Variants in GNAQ observed in about 807,000 individuals in gnomAD.
The protein encoded by GNAQ is G protein subunit alpha q, also known as guanine nucleotide-binding protein G(q) subunit alpha.
GNAQ carries 8 observed loss-of-function variants against 43.9 expected under a neutral mutation model. The observed-to-expected ratio is 0.18, with a 90% confidence interval of 0.11 to 0.33. The LOEUF (loss-of-function observed/expected upper bound fraction) is 0.33. GNAQ is among the 10% of genes least tolerant of loss of function. The pLI, the probability that GNAQ is intolerant of heterozygous loss-of-function variation, is 1.00. For synonymous variants in GNAQ, 155 were observed against 170.7 expected, an observed-to-expected ratio of 0.91 and a Z score of 0.71; for missense variants, 158 against 450.8, an observed-to-expected ratio of 0.35 and a Z score of 5.88.
intron 2 of GNAQ, among the ~76,000 whole-genome samples, chr9:77,835,135 G>C (rs928711770): frequency 2.0e-5 from 3 of 151,866 alleles, no homozygotes; most frequent in African/African-American, 7.3e-5. Context: ...GGGTGAGGTG[G>C]GATAGGGCAA....
intron 2 of GNAQ, among the ~76,000 whole-genome samples, chr9:77,907,115 T>TA (rs1828722235): frequency 6.6e-6 from 1 of 152,222 alleles, no homozygotes; most frequent in Non-Finnish European, 1.5e-5. Flanking sequence ...TGTACAGCTA[T>TA]GTTCACATAC....
At chr9:77,885,408 G>T (rs1005715382) in intron 2 of GNAQ, among the ~76,000 whole-genome samples, 2 of 152,292 alleles carry the variant, frequency 1.3e-5, no homozygotes, top group African/African-American at 2.4e-5. Context: ...AGGTTTTAAT[G>T]AACTATTTTC....
chr9:77,807,709 A>G (rs1826849946), intron 3 of GNAQ, among the ~76,000 whole-genome samples: 1 of 152,200 alleles, frequency 6.6e-6, no homozygotes, highest in Non-Finnish European at 1.5e-5. Context: ...TCAGAGTCTT[A>G]AACTAGGTTT....
intron 2 of GNAQ, among the ~76,000 whole-genome samples, chr9:77,829,371 C>T (rs1438779092): frequency 6.6e-6 from 1 of 152,148 alleles, no homozygotes; most frequent in East Asian, 1.9e-4. Context: ...AGTAATAATT[C>T]CTGGCTTCTC....
At chr9:77,884,039 C>T (rs1218589823) in intron 2 of GNAQ, among the ~76,000 whole-genome samples, 1 of 152,210 alleles carries the variant, frequency 6.6e-6, no homozygotes, top group Non-Finnish European at 1.5e-5. Flanking sequence ...AATTCTCTAA[C>T]TGCAGATAAA....
chr9:77,928,918 T>C (rs1341335921), intron 1 of GNAQ, among the ~76,000 whole-genome samples: 1 of 152,148 alleles, frequency 6.6e-6, no homozygotes, highest in Non-Finnish European at 1.5e-5. Context: ...CTCAGGAGGC[T>C]GAGGCAGGAG....
At chr9:77,809,928 G>C (rs992322083) in intron 3 of GNAQ, among the ~76,000 whole-genome samples, 7 of 152,120 alleles carry the variant, frequency 4.6e-5, no homozygotes, top group South Asian at 4.1e-4. Flanking sequence ...CTGTAACTTA[G>C]AACATCTTTC....
intron 2 of GNAQ, among the ~76,000 whole-genome samples, chr9:77,836,347 G>C (rs1236517754): frequency 6.6e-6 from 1 of 152,168 alleles, no homozygotes; most frequent in Non-Finnish European, 1.5e-5. Flanking sequence ...AAAGTTGTAG[G>C]ATTTCTTTCC....
intron 1 of GNAQ, among the ~76,000 whole-genome samples, chr9:78,011,469 A>G (rs1446733981): frequency 6.6e-6 from 1 of 152,256 alleles, no homozygotes; most frequent in Admixed American, 6.5e-5. Context: ...GGTTTACTCT[A>G]GAAAACAGAA....
chr9:77,771,081 A>C (rs1005457830), intron 5 of GNAQ, among the ~76,000 whole-genome samples: 2 of 152,342 alleles, frequency 1.3e-5, no homozygotes. Context: ...GGCAACCCTA[A>C]GATGAGAAGA....
At position 77,925,540 on chromosome 9, in the gene GNAQ, A is replaced by C. The variant is rs138717487; in HGVS notation, c.137-3195T>G. ...GAATTTCTGAATGTTATTTCAATTA[A>C]AGGGACCCATTTTGAATCTTGCTGC... On this transcript the variant is annotated intron_variant, in intron 1 of 6. Transcript: ENST00000286548. Among the ~76,000 whole-genome samples, 1,068 of 152,274 alleles carry C rather than the reference A, an allele frequency of 7.0e-3. 19 individuals are homozygous for C. The highest frequency in any genetic ancestry group is 0.024 in the African/African-American group (991 of 41,558).
intron 1 of GNAQ, among the ~76,000 whole-genome samples, chr9:77,996,351 T>C (rs1242327706): frequency 1.3e-5 from 2 of 152,104 alleles, no homozygotes; most frequent in Admixed American, 6.5e-5. Context: ...CAAGCACAAA[T>C]AGTGTTACTG....
At chr9:77,815,801 C>A (rs949560125) in intron 2 of GNAQ, 31 bp from the exon 3 acceptor site, 5 of 1,548,172 alleles carry the variant, frequency 3.2e-6, no homozygotes, top group Middle Eastern at 3.4e-4. Context: ...AGTTTTAATA[C>A]CCTATTACTT....
chr9:77,733,283 A>G (rs1172915650), intron 5 of GNAQ, among the ~76,000 whole-genome samples: 1 of 152,128 alleles, frequency 6.6e-6, no homozygotes, highest in East Asian at 1.9e-4. Flanking sequence ...TTAACATCTC[A>G]AATCAATTCT....
intron 3 of GNAQ, among the ~76,000 whole-genome samples, chr9:77,806,188 A>G (rs1044499266): frequency 6.6e-6 from 1 of 152,234 alleles, no homozygotes; most frequent in Non-Finnish European, 1.5e-5. Context: ...CAATTTGCCT[A>G]TTTGGCTTTG....
intron 1 of GNAQ, among the ~76,000 whole-genome samples, chr9:78,016,909 A>G (rs1360025343): frequency 2.0e-5 from 3 of 152,222 alleles, no homozygotes; most frequent in African/African-American, 7.2e-5. Context: ...CCCATTAAAT[A>G]GACATAATCC....
intron 2 of GNAQ, among the ~76,000 whole-genome samples, chr9:77,885,453 A>G (rs1344147090): frequency 1.3e-5 from 2 of 152,248 alleles, no homozygotes; most frequent in East Asian, 3.8e-4. Context: ...AAGCAAACAC[A>G]TACCAACAGG....
At chr9:77,930,656 T>G (rs1466738493) in intron 1 of GNAQ, among the ~76,000 whole-genome samples, 1 of 152,222 alleles carries the variant, frequency 6.6e-6, no homozygotes, top group African/African-American at 2.4e-5. Context: ...TGGTGTGCAG[T>G]GATTTTTTTA....
At chr9:77,826,243 T>G (rs1400187468) in intron 2 of GNAQ, among the ~76,000 whole-genome samples, 1 of 152,128 alleles carries the variant, frequency 6.6e-6, no homozygotes, top group African/African-American at 2.4e-5. Context: ...CAGCTTCTCA[T>G]TACCTGCCTG....
Sources: gnomAD v4.1 joint callset for allele counts (sites outside exome capture counted in the v4.1 genomes callset) on GRCh38, gnomAD v4.1.1 for gene constraint, MANE v1.5 for transcripts, NCBI Gene and HGNC (gene_info 2026-07-23, HGNC 2026-07-21) for gene names.